Variants in C1GALT1 observed in about 807,000 individuals in gnomAD.
C1GALT1 encodes glycoprotein-N-acetylgalactosamine 3-beta-galactosyltransferase 1.
In C1GALT1, 11 loss-of-function variants were observed where a neutral mutation model predicts 31.0. That is an observed-to-expected ratio of 0.36 (90% CI 0.22 to 0.59). The LOEUF (loss-of-function observed/expected upper bound fraction) is 0.59, where lower values mean the gene tolerates loss of function less well. Ranked by LOEUF, C1GALT1 falls within the 20% of genes least tolerant of loss-of-function variation. The pLI is 0.79. For missense variants in C1GALT1, 424 were observed against 425.2 expected, an observed-to-expected ratio of 1.00 and a Z score of 0.03; for synonymous variants, 175 against 143.6, an observed-to-expected ratio of 1.22 and a Z score of -1.56.
intron 1 of C1GALT1, among the ~76,000 whole-genome samples, chr7:7,193,580 C>T (rs59076744): frequency 0.033 from 5,037 of 152,114 alleles, 187 homozygotes; most frequent in African/African-American, 0.092. Context: ...AGTTTGAAGT[C>T]GGGTAATGTG....
At chr7:7,192,192 A>G (rs1781103940) in intron 1 of C1GALT1, among the ~76,000 whole-genome samples, 1 of 151,500 alleles carries the variant, frequency 6.6e-6, no homozygotes, top group Non-Finnish European at 1.5e-5. Context: ...GTGTTGGGTT[A>G]CATGGATATG....
At chr7:7,163,671 A>T (rs1240515526) in intron 2 of C1GALT1, among the ~76,000 whole-genome samples, 1 of 151,114 alleles carries the variant, frequency 6.6e-6, no homozygotes, top group East Asian at 1.9e-4. Context: ...ATACACCAAT[A>T]ACAGACAAAC....
intron 1 of C1GALT1, chr7:7,210,561 T>G (rs1781951145): frequency 6.5e-6 from 1 of 154,374 alleles, no homozygotes; most frequent in African/African-American, 2.4e-5. Flanking sequence ...CCAAGTGCGG[T>G]GGACACCAGC....
At position 7,245,756 on chromosome 7, in the gene C1GALT1, A is replaced by G. The variant is rs1783820217; in HGVS notation, c.*2029A>G. 6.6e-6 allele frequency: 1 copy of G among 152,114 alleles called. No individual in the cohort carries two copies. The highest frequency in any genetic ancestry group is 2.1e-4 in the South Asian group (1 of 4,828). The allele number at this position is 152,114 out of a possible 1,614,324, so 9.4% of individuals were successfully genotyped here. On this transcript the variant is annotated 3_prime_UTR_variant, in exon 4 of 4. Coordinates refer to ENST00000436587, the MANE Select transcript of C1GALT1 (RefSeq NM_020156.5). ...AATGGTTTACTATAGATATCCAAAA[A>G]CCTTGAGATTTGCTCATAGGAAATG...
chr7:7,172,630 T>C (rs955036641), intron 2 of C1GALT1, among the ~76,000 whole-genome samples: 1 of 150,478 alleles, frequency 6.6e-6, no homozygotes, highest in Non-Finnish European at 1.5e-5. Flanking sequence ...CTGTAAACTC[T>C]AAAAAAAAAA....
chr7:7,185,910 T>G (rs1353326226), intron 1 of C1GALT1, among the ~76,000 whole-genome samples: 1 of 152,224 alleles, frequency 6.6e-6, no homozygotes, highest in Non-Finnish European at 1.5e-5. Context: ...ACACTTACAT[T>G]TATTTACATA....
chr7:7,181,753 C>G (rs1421482081), upstream of C1GALT1, among the ~76,000 whole-genome samples: 1 of 152,170 alleles, frequency 6.6e-6, no homozygotes, highest in Non-Finnish European at 1.5e-5. Context: ...TTAAAGGAAG[C>G]AGGGTAGCTT....
chr7:7,193,636 T>G (rs924138114), intron 1 of C1GALT1, among the ~76,000 whole-genome samples: 2 of 151,974 alleles, frequency 1.3e-5, no homozygotes, highest in Non-Finnish European at 2.9e-5. Flanking sequence ...TTGTTTTTGC[T>G]GAGTCTTGAT....
chr7:7,191,034 G>A (rs1781049911), intron 1 of C1GALT1, among the ~76,000 whole-genome samples: 1 of 151,844 alleles, frequency 6.6e-6, no homozygotes, highest in Non-Finnish European at 1.5e-5. Context: ...TTATAGATCA[G>A]TGGTATTAAC....
intron 1 of C1GALT1, among the ~76,000 whole-genome samples, chr7:7,216,376 G>A (rs1474829093): frequency 2.6e-5 from 4 of 152,070 alleles, no homozygotes; most frequent in African/African-American, 7.2e-5. Flanking sequence ...TCCAAGCTGT[G>A]GATCTGGATG....
At chr7:7,186,805 G>T (rs1462263683) in intron 1 of C1GALT1, among the ~76,000 whole-genome samples, 4 of 152,190 alleles carry the variant, frequency 2.6e-5, no homozygotes, top group Admixed American at 2.6e-4. Context: ...TGAAATTGCT[G>T]CTGTTTGTTC....
At chr7:7,221,700 T>C (rs1338968354) in intron 1 of C1GALT1, among the ~76,000 whole-genome samples, 1 of 152,250 alleles carries the variant, frequency 6.6e-6, no homozygotes, top group Non-Finnish European at 1.5e-5. Flanking sequence ...AAGTGGTTTT[T>C]AACTTTCTGT....
At chr7:7,190,948 A>G (rs1781045704) in intron 1 of C1GALT1, among the ~76,000 whole-genome samples, 1 of 152,086 alleles carries the variant, frequency 6.6e-6, no homozygotes, top group African/African-American at 2.4e-5. Flanking sequence ...ATTATCATTG[A>G]TACCTTTTTT....
chr7:7,163,921 C>T (rs1236227058), intron 2 of C1GALT1, among the ~76,000 whole-genome samples: 2 of 151,798 alleles, frequency 1.3e-5, no homozygotes, highest in Non-Finnish European at 2.9e-5. Flanking sequence ...AATGCCATCC[C>T]CATCAAGCTA....
intron 2 of C1GALT1, among the ~76,000 whole-genome samples, chr7:7,171,379 C>T (rs773040977): frequency 5.9e-4 from 89 of 152,042 alleles, no homozygotes; most frequent in Non-Finnish European, 1.1e-3. Flanking sequence ...GTCATTACAA[C>T]AGATTTTGAC....
intron 2 of C1GALT1, among the ~76,000 whole-genome samples, chr7:7,237,263 T>C (rs1172660069): frequency 1.3e-5 from 2 of 152,252 alleles, no homozygotes; most frequent in South Asian, 2.1e-4. Flanking sequence ...AATCTCATCA[T>C]TGAGCTCTTC....
intron 1 of C1GALT1, among the ~76,000 whole-genome samples, chr7:7,200,314 G>A (rs1781480638): frequency 6.6e-6 from 1 of 152,120 alleles, no homozygotes; most frequent in South Asian, 2.1e-4. Flanking sequence ...TAGTTTGGCT[G>A]GATATGAAAT....
chr7:7,217,480 A>T (rs1271898361), intron 1 of C1GALT1, among the ~76,000 whole-genome samples: 2 of 152,162 alleles, frequency 1.3e-5, no homozygotes, highest in Non-Finnish European at 2.9e-5. Context: ...CTACAGGCAC[A>T]TGCCACCTGC....
intron 2 of C1GALT1, among the ~76,000 whole-genome samples, chr7:7,160,049 G>A (rs983039932): frequency 3.3e-5 from 5 of 152,024 alleles, no homozygotes; most frequent in African/African-American, 1.2e-4. Flanking sequence ...CACTGTGAAC[G>A]GCTGTTCATA....
Sources: allele counts gnomAD v4.1 joint callset (sites outside exome capture counted in the v4.1 genomes callset), GRCh38; gene constraint gnomAD v4.1.1; transcripts MANE v1.5; gene names NCBI Gene and HGNC (gene_info 2026-07-23, HGNC 2026-07-21).